Variants in LPIN1 observed in about 807,000 individuals in gnomAD.
LPIN1 encodes phosphatidate phosphatase LPIN1.
LPIN1 carries 71 observed loss-of-function variants against 107.5 expected under a neutral mutation model. The ratio of observed to expected loss-of-function variants is 0.66; its 90% CI spans 0.55 to 0.80. LPIN1 has a LOEUF of 0.80. Ranked by LOEUF, LPIN1 falls within the 30% of genes least tolerant of loss-of-function variation. LPIN1 has a pLI of 0.00. For missense variants in LPIN1, 1,043 were observed against 1,160.6 expected, an observed-to-expected ratio of 0.90 and a Z score of 1.47; for synonymous variants, 445 against 452.6, an observed-to-expected ratio of 0.98 and a Z score of 0.21.
intron 1 of LPIN1, among the ~76,000 whole-genome samples, chr2:11,727,640 G>A (rs747981828): frequency 6.6e-5 from 10 of 152,012 alleles, no homozygotes; most frequent in Non-Finnish European, 1.5e-4. Context: ...CCATACATCC[G>A]TCTTATCTAT....
intron 20 of LPIN1, 33 bp from the exon 21 acceptor site, chr2:11,824,599 T>C (rs1300598304): frequency 1.2e-6 from 2 of 1,613,564 alleles, no homozygotes; most frequent in Non-Finnish European, 1.7e-6. Flanking sequence ...CTGGTATCGC[T>C]CAGTGCCAGT....
intron 6 of LPIN1, among the ~76,000 whole-genome samples, chr2:11,778,913 G>C (rs1673092863): frequency 6.6e-6 from 1 of 152,202 alleles, no homozygotes; most frequent in Non-Finnish European, 1.5e-5. Flanking sequence ...AGTCCCTTGT[G>C]AAGTATTCCT....
At chr2:11,747,108 C>T (rs1462594823) in intron 1 of LPIN1, among the ~76,000 whole-genome samples, 3 of 152,226 alleles carry the variant, frequency 2.0e-5, no homozygotes, top group Non-Finnish European at 2.9e-5. Context: ...CCTTTCTTTC[C>T]CCCGGAGTTA....
intron 1 of LPIN1, among the ~76,000 whole-genome samples, chr2:11,749,095 A>G (rs1000510837): frequency 6.6e-6 from 1 of 152,198 alleles, no homozygotes; most frequent in Non-Finnish European, 1.5e-5. Context: ...TGTATTGTAT[A>G]ATAAGCCCAC....
At chr2:11,706,298 C>T (rs565217595) in intron 1 of LPIN1, among the ~76,000 whole-genome samples, 70 of 152,334 alleles carry the variant, frequency 4.6e-4, no homozygotes, top group African/African-American at 1.5e-3. Flanking sequence ...GAGGTGTGGG[C>T]AAGCCCATTA....
At chr2:11,755,112 CCCG>C (rs1668461716) in intron 1 of LPIN1, among the ~76,000 whole-genome samples, 1 of 151,814 alleles carries the variant, frequency 6.6e-6, no homozygotes, top group African/African-American at 2.4e-5. Context: ...ACTACAGGCG[CCCG>C]CCACCATGCC....
intron 1 of LPIN1, among the ~76,000 whole-genome samples, chr2:11,759,131 T>TC (rs1558819684): frequency 1.5e-5 from 2 of 134,050 alleles, no homozygotes; most frequent in African/African-American, 2.7e-5. Flanking sequence ...TTGCTTTCTT[T>TC]CTTTTCTTTC....
chr2:11,699,896 T>C (rs548265898), intron 1 of LPIN1, among the ~76,000 whole-genome samples: 1 of 152,190 alleles, frequency 6.6e-6, no homozygotes, highest in South Asian at 2.1e-4. Context: ...TGTGTGGCTT[T>C]GGGAAAATTA....
intron 17 of LPIN1, among the ~76,000 whole-genome samples, chr2:11,809,397 G>A (rs1424118898): frequency 2.0e-4 from 30 of 152,088 alleles, no homozygotes. Context: ...AAAATGAGAG[G>A]CATCTGTAGC....
At chr2:11,752,640 C>G (rs1668027412) in intron 1 of LPIN1, among the ~76,000 whole-genome samples, 1 of 151,326 alleles carries the variant, frequency 6.6e-6, no homozygotes, top group South Asian at 2.1e-4. Context: ...ACCGTTTTAG[C>G]CGGGATGGTC....
intron 1 of LPIN1, among the ~76,000 whole-genome samples, chr2:11,693,561 C>T (rs1662377137): frequency 6.6e-6 from 1 of 151,936 alleles, no homozygotes; most frequent in Non-Finnish European, 1.5e-5. Flanking sequence ...TGGCACAGAG[C>T]TTCTTGTTTA....
chr2:11,771,723 G>C lies in LPIN1; in HGVS notation c.596+44G>C. ...GGAGGGGCTGTGCCAGAATCAGACAGTTAACTGTTCAAGATTATTTTTATG... is the reference window on the plus strand; with the variant it reads ...GGAGGGGCTGTGCCAGAATCAGACACTTAACTGTTCAAGATTATTTTTATG... On this transcript the variant is annotated intron_variant, in intron 4 of 20. Coordinates refer to ENST00000674199, the MANE Select transcript of LPIN1 (RefSeq NM_001349206.2). The surrounding 1 kb of genome is among the most constrained non-coding windows in gnomAD (Gnocchi z 4.8). The C allele has an allele frequency of 2.0e-6, 3 of 1,510,328 alleles. No homozygotes were observed. Among genetic ancestry groups the C allele is most frequent in the Non-Finnish European group, 2.7e-6 (3 of 1,108,700 alleles). 93.6% of individuals were successfully genotyped at this position (1,510,328 alleles called of 1,614,324 possible).
chr2:11,820,602 C>A, intron 20 of LPIN1, 88 bp downstream of exon 20: 2 of 863,902 alleles, frequency 2.3e-6, no homozygotes, highest in Non-Finnish European at 3.9e-6. Flanking sequence ...ACCTTTTCCC[C>A]TTTGCTGCCT....
At chr2:11,802,843 AT>A in intron 14 of LPIN1, 63 bp from the exon 15 acceptor site, 1 of 1,589,930 alleles carries the variant, frequency 6.3e-7, no homozygotes, top group Non-Finnish European at 8.6e-7. Context: ...TTAAAGGCTA[AT>A]GCATTTTTCA....
chr2:11,760,156 C>T (rs113511853), intron 1 of LPIN1, among the ~76,000 whole-genome samples: 23,813 of 147,860 alleles, frequency 0.16, 1,111 homozygotes, highest in Middle Eastern at 0.19. Context: ...ACTTCCTAGA[C>T]GGGATGGCGG....
At chr2:11,679,588 G>T (rs1037090340) in intron 1 of LPIN1, among the ~76,000 whole-genome samples, 1 of 152,116 alleles carries the variant, frequency 6.6e-6, no homozygotes, top group African/African-American at 2.4e-5. Context: ...GTATTCCATC[G>T]CTCTTCCAAC....
At chr2:11,805,230 T>A in intron 17 of LPIN1, 74 bp downstream of exon 17, 1 of 1,192,768 alleles carries the variant, frequency 8.4e-7, no homozygotes, top group Non-Finnish European at 1.3e-6. Context: ...ATGGAATCTT[T>A]CCTGTCCCAG....
At chr2:11,808,270 A>G (rs1679057326) in intron 17 of LPIN1, among the ~76,000 whole-genome samples, 1 of 152,072 alleles carries the variant, frequency 6.6e-6, no homozygotes, top group Admixed American at 6.5e-5. Flanking sequence ...AGAGCCAACC[A>G]CTGATGAAAG....
chr2:11,683,691 G>A (rs1050620362), intron 1 of LPIN1, among the ~76,000 whole-genome samples: 1 of 152,202 alleles, frequency 6.6e-6, no homozygotes, highest in African/African-American at 2.4e-5. Flanking sequence ...TGTGGTCGTC[G>A]AGGTAAGCAG....
Sources: allele counts gnomAD v4.1 joint callset (sites outside exome capture counted in the v4.1 genomes callset), GRCh38; gene constraint gnomAD v4.1.1; non-coding constraint Gnocchi (gnomAD v3.1); transcripts MANE v1.5; gene names NCBI Gene and HGNC (gene_info 2026-07-23, HGNC 2026-07-21).